Variants in FSTL4 observed in about 807,000 individuals in gnomAD.
FSTL4 encodes follistatin-related protein 4.
FSTL4 carries 28 observed loss-of-function variants against 78.2 expected under a neutral mutation model. The observed-to-expected ratio is 0.36, with a 90% CI of 0.27 to 0.49. The LOEUF (loss-of-function observed/expected upper bound fraction) is 0.49. Among genes scored for constraint, FSTL4 ranks in the 20% least tolerant of loss-of-function variants. The pLI is 0.98. For synonymous variants in FSTL4, 422 were observed against 440.5 expected (o/e 0.96, Z 0.53); for missense variants, 922 against 1,084.9 (o/e 0.85, Z 2.11).
chr5:133,640,435 A>G, the FSTL4 span, among the ~76,000 whole-genome samples: 1 of 152,060 alleles, frequency 6.6e-6, no homozygotes, highest in African/African-American at 2.4e-5. Context: ...GGACAGCAGA[A>G]CCTCCTGCTC....
rs74959129 is a variant in FSTL4 at position 133,399,420 on chromosome 5, C to T, written c.409+1318G>A. On this transcript the variant is annotated intron_variant, in intron 4 of 15. Transcript: ENST00000265342. ...AAGTGTCCAAGACTATTGTCATCAC[C>T]CGGTAAAGGCACATTTCCCAAGCCC... 7.3e-3 allele frequency among the ~76,000 whole-genome samples: 1,112 copies of T among 152,306 alleles called. 11 individuals are homozygous for T. The highest frequency in any genetic ancestry group is 0.026 in the African/African-American group (1,061 of 41,562).
the FSTL4 span, chr5:133,720,704 G>A: frequency 2.0e-5 from 3 of 152,956 alleles, no homozygotes; most frequent in Non-Finnish European, 2.9e-5. Context: ...TCATGCCACT[G>A]AGGATCATAC....
At chr5:133,445,456 C>T (rs1477787683) in intron 3 of FSTL4, among the ~76,000 whole-genome samples, 2 of 152,214 alleles carry the variant, frequency 1.3e-5, no homozygotes, top group African/African-American at 4.8e-5. Flanking sequence ...TCTGGGTCAC[C>T]TATGGGCCGG....
chr5:133,788,124 G>T, the FSTL4 span, among the ~76,000 whole-genome samples: 4 of 152,148 alleles, frequency 2.6e-5, no homozygotes, highest in Admixed American at 1.3e-4. Flanking sequence ...TATCCCCAGC[G>T]CCCAGCCCAG....
intron 2 of FSTL4, among the ~76,000 whole-genome samples, chr5:133,602,241 T>A (rs418286): frequency 0.061 from 9,264 of 152,218 alleles, 318 homozygotes; most frequent in Non-Finnish European, 0.073. Flanking sequence ...AGACAAAAGC[T>A]ACCCTGGAGC....
the FSTL4 span, among the ~76,000 whole-genome samples, chr5:133,674,250 T>TCCACCGAGTA: frequency 1.3e-5 from 2 of 152,162 alleles, no homozygotes; most frequent in African/African-American, 4.8e-5. Context: ...GTTCTGCCTT[T>TCCACCGAGTA]CCACCGAGTA....
the FSTL4 span, among the ~76,000 whole-genome samples, chr5:133,723,897 G>A: frequency 2.0e-5 from 3 of 152,196 alleles, no homozygotes; most frequent in Non-Finnish European, 4.4e-5. Flanking sequence ...AAACGGAGAA[G>A]CTCCATGGTA....
chr5:133,679,657 T>G, the FSTL4 span, among the ~76,000 whole-genome samples: 2 of 152,122 alleles, frequency 1.3e-5, no homozygotes, highest in Non-Finnish European at 2.9e-5. Flanking sequence ...TGACAGTGCC[T>G]GCAAACAGGC....
In FSTL4 at chr5:133,279,791, T is replaced by A. The variant is rs554744759; in HGVS notation, c.728-30215A>T. ...ATTAGAACCTCAGAATGTGACCTGA[T>A]TGGAAAATAGGATCTTTGCACATAT... On this transcript the variant is annotated intron_variant, in intron 6 of 15. Transcript: ENST00000265342. Among the ~76,000 whole-genome samples the A allele has an allele frequency of 2.3e-3, 349 of 152,326 alleles. 4 individuals are homozygous for A. Among genetic ancestry groups the A allele is most frequent in the African/African-American group, 8.1e-3 (336 of 41,560 alleles).
chr5:133,676,643 A>G, the FSTL4 span, among the ~76,000 whole-genome samples: 1 of 152,226 alleles, frequency 6.6e-6, no homozygotes, highest in African/African-American at 2.4e-5. Context: ...TAAGAACACC[A>G]TGAGGTTTTG....
chr5:133,616,583 G>A (rs1255583190), upstream of FSTL4, among the ~76,000 whole-genome samples: 3 of 151,846 alleles, frequency 2.0e-5, no homozygotes, highest in African/African-American at 4.8e-5. Context: ...TGTACTTTTT[G>A]TAGAGACGGG....
At chr5:133,789,803 C>A in the FSTL4 span, among the ~76,000 whole-genome samples, 1 of 152,192 alleles carries the variant, frequency 6.6e-6, no homozygotes, top group Admixed American at 6.5e-5. Flanking sequence ...GGGGGAATCT[C>A]TGATGTCTCT....
At chr5:133,232,530 G>A (rs115817129) in intron 8 of FSTL4, among the ~76,000 whole-genome samples, 1,539 of 152,158 alleles carry the variant, frequency 0.01, 23 homozygotes, top group Non-Finnish European at 0.017. Flanking sequence ...AATCACCCCC[G>A]TATCTACCCT....
At chr5:133,370,599 C>T (rs1012723356) in intron 4 of FSTL4, among the ~76,000 whole-genome samples, 4 of 151,822 alleles carry the variant, frequency 2.6e-5, no homozygotes, top group Non-Finnish European at 5.9e-5. Flanking sequence ...AGGACAGGCT[C>T]GGGGAAGGGC....
chr5:133,260,175 G>A (rs150898265), intron 6 of FSTL4, among the ~76,000 whole-genome samples: 1 of 152,310 alleles, frequency 6.6e-6, no homozygotes, highest in Non-Finnish European at 1.5e-5. Context: ...GGCCGCTCGA[G>A]CAGCCGAAGG....
chr5:133,467,775 C>T (rs1449138880), intron 3 of FSTL4, among the ~76,000 whole-genome samples: 1 of 152,208 alleles, frequency 6.6e-6, no homozygotes, highest in Admixed American at 6.5e-5. Flanking sequence ...TCCTGAGCAG[C>T]CTGTGCTCCC....
chr5:133,655,641 G>A, the FSTL4 span, among the ~76,000 whole-genome samples: 1 of 152,060 alleles, frequency 6.6e-6, no homozygotes, highest in South Asian at 2.1e-4. Flanking sequence ...GCCCATGAAG[G>A]GAAACGGAAA....
At chr5:133,407,248 C>T (rs998744498) in intron 3 of FSTL4, among the ~76,000 whole-genome samples, 1 of 152,212 alleles carries the variant, frequency 6.6e-6, no homozygotes, top group South Asian at 2.1e-4. Flanking sequence ...CATGCATGGA[C>T]ACCTGGCCAT....
the FSTL4 span, among the ~76,000 whole-genome samples, chr5:133,781,393 GT>G: frequency 8.1e-4 from 122 of 151,004 alleles, no homozygotes; most frequent in African/African-American, 2.9e-3. Flanking sequence ...GTGTGTGTGT[GT>G]GTGTGTGTGT....
Sources: gnomAD v4.1 joint callset for allele counts (sites outside exome capture counted in the v4.1 genomes callset) on GRCh38, gnomAD v4.1.1 for gene constraint, MANE v1.5 for transcripts, NCBI Gene and HGNC (gene_info 2026-07-23, HGNC 2026-07-21) for gene names.